The following PRKCQ variants were observed in gnomAD, a reference collection of about 807,000 sequenced individuals.
PRKCQ encodes the protein protein kinase C theta.
A neutral mutation model predicts 91.2 loss-of-function variants in PRKCQ; 41 were observed. The ratio of observed to expected loss-of-function variants is 0.45; its 90% CI spans 0.35 to 0.58. The LOEUF (loss-of-function observed/expected upper bound fraction) is 0.58. Ranked by LOEUF, PRKCQ falls within the 20% of genes least tolerant of loss-of-function variation. The pLI, the probability that PRKCQ is intolerant of heterozygous loss-of-function variation, is 0.00. For synonymous variants in PRKCQ, 307 were observed against 316.9 expected, an observed-to-expected ratio of 0.97 and a Z score of 0.33; for missense variants, 673 against 896.5, an observed-to-expected ratio of 0.75 and a Z score of 3.18.
At chr10:6,446,601 G>C (rs907813455) in intron 15 of PRKCQ, among the ~76,000 whole-genome samples, 11 of 151,948 alleles carry the variant, frequency 7.2e-5, no homozygotes, top group African/African-American at 2.7e-4. Flanking sequence ...CCTGACCTCA[G>C]GTGATCCGCC....
At chr10:6,395,054 G>T in the PRKCQ span, among the ~76,000 whole-genome samples, 3 of 129,968 alleles carry the variant, frequency 2.3e-5, no homozygotes, top group Admixed American at 7.7e-5. Flanking sequence ...GGAAGCTGGA[G>T]TCTTTTTTTT....
At chr10:6,531,926 TATC>T (rs1340394039) in intron 1 of PRKCQ, among the ~76,000 whole-genome samples, 2 of 152,136 alleles carry the variant, frequency 1.3e-5, no homozygotes, top group East Asian at 3.9e-4. Context: ...TGATCAAAGC[TATC>T]TACCTAATTA....
chr10:6,418,644 C>T, the PRKCQ span, among the ~76,000 whole-genome samples: 1 of 152,208 alleles, frequency 6.6e-6, no homozygotes, highest in African/African-American at 2.4e-5. Context: ...CAGAGGGAAG[C>T]CTGGCGACTG....
At chr10:6,534,793 G>GATAT (rs755054607) in intron 1 of PRKCQ, among the ~76,000 whole-genome samples, 1,381 of 91,522 alleles carry the variant, frequency 0.015, 20 homozygotes, top group African/African-American at 0.044. Flanking sequence ...TATATATATA[G>GATAT]ATATATATAT....
At chr10:6,424,502 A>G (rs1833072724), downstream of PRKCQ, among the ~76,000 whole-genome samples, 2 of 152,140 alleles carry the variant, frequency 1.3e-5, no homozygotes, top group Non-Finnish European at 2.9e-5. Context: ...GGACAGAGAA[A>G]GGAGAGAGGT....
chr10:6,451,974 G>A (rs377300786), intron 15 of PRKCQ, among the ~76,000 whole-genome samples: 11 of 152,130 alleles, frequency 7.2e-5, no homozygotes, highest in African/African-American at 1.7e-4. Context: ...AATATCATAC[G>A]GAATGGGCAA....
intron 12 of PRKCQ, among the ~76,000 whole-genome samples, chr10:6,464,817 T>C (rs190510364): frequency 2.0e-5 from 3 of 152,304 alleles, no homozygotes; most frequent in Admixed American, 1.3e-4. Flanking sequence ...GATTAGATCA[T>C]TTCAGGGGAA....
At chr10:6,564,751 G>C (rs1332477123) in intron 1 of PRKCQ, among the ~76,000 whole-genome samples, 2 of 152,064 alleles carry the variant, frequency 1.3e-5, no homozygotes, top group Non-Finnish European at 2.9e-5. Flanking sequence ...ACTAAGTTTG[G>C]GAGCAGTTTG....
Position 6,444,202 on chromosome 10 carries a change from C to G in PRKCQ, c.1648-2121G>C, listed in dbSNP as rs536925715. Among the ~76,000 whole-genome samples the G allele has an allele frequency of 4.6e-5, 7 of 152,266 alleles. No homozygotes were observed. The South Asian group carries it at 1.2e-3, about 27-fold the overall frequency. ...TCTCCTGCCTCAGCCTCCCGAGTAG[C>G]TGGGATTACAGGTGCATACCACCAT... On this transcript the variant is annotated intron_variant, in intron 15 of 17. Transcript: ENST00000263125.
chr10:6,518,785 T>A (rs954079432), intron 1 of PRKCQ, among the ~76,000 whole-genome samples: 2 of 151,810 alleles, frequency 1.3e-5, no homozygotes, highest in African/African-American at 4.8e-5. Context: ...GTCATTGCAC[T>A]CCAGCCTAGG....
intron 1 of PRKCQ, among the ~76,000 whole-genome samples, chr10:6,560,922 C>T (rs1479190767): frequency 6.6e-6 from 1 of 151,836 alleles, no homozygotes; most frequent in East Asian, 1.9e-4. Flanking sequence ...ACCTGTAGAC[C>T]CAGCTACTCA....
intron 1 of PRKCQ, among the ~76,000 whole-genome samples, chr10:6,536,319 CACCTTGGCAGTG>C (rs1217552613): frequency 1.3e-5 from 2 of 152,162 alleles, no homozygotes; most frequent in African/African-American, 4.8e-5. Flanking sequence ...GGTGTCAAAT[CACCTTGGCAGTG>C]ACCTTGGCGA....
intron 4 of PRKCQ, 111 bp downstream of exon 4, chr10:6,507,325 C>T: frequency 9.0e-7 from 1 of 1,106,466 alleles, no homozygotes; most frequent in Non-Finnish European, 1.4e-6. Context: ...TTTTGTGCCT[C>T]TCTTTTCTCC....
At chr10:6,458,213 C>T (rs1057214061) in intron 14 of PRKCQ, among the ~76,000 whole-genome samples, 3 of 152,200 alleles carry the variant, frequency 2.0e-5, no homozygotes, top group South Asian at 2.1e-4. Flanking sequence ...GGATTATAGG[C>T]GTGAGCCACT....
chr10:6,410,302 T>C, the PRKCQ span, among the ~76,000 whole-genome samples: 2 of 152,248 alleles, frequency 1.3e-5, no homozygotes. Context: ...CAAGTGTTAC[T>C]TACTTGACAA....
At chr10:6,535,741 C>T (rs996204073) in intron 1 of PRKCQ, among the ~76,000 whole-genome samples, 3 of 152,118 alleles carry the variant, frequency 2.0e-5, no homozygotes, top group East Asian at 1.9e-4. Flanking sequence ...CCCCTCGCCG[C>T]GCCTCTTTAG....
In PRKCQ at chr10:6,455,219, G is replaced by A. The variant is rs7923721; in HGVS notation, c.1647+1455C>T. ...CCGTCCTCTTAAGTCCCCATCACTC[G>A]TGCTTTGATGAGCTTTGGTTTCACT... On this transcript the variant is annotated intron_variant, in intron 15 of 17. Transcript: ENST00000263125. Among the ~76,000 whole-genome samples, 1,038 of 152,302 alleles carry A rather than the reference G, an allele frequency of 6.8e-3. 15 individuals are homozygous for A. Among genetic ancestry groups the A allele is most frequent in the African/African-American group, 0.024 (998 of 41,566 alleles).
At chr10:6,483,972 A>G (rs1836763453) in intron 10 of PRKCQ, among the ~76,000 whole-genome samples, 1 of 152,236 alleles carries the variant, frequency 6.6e-6, no homozygotes, top group Non-Finnish European at 1.5e-5. Flanking sequence ...AAATTTTAGG[A>G]AAAAAATGAT....
At chr10:6,561,842 G>GT (rs1840644574) in intron 1 of PRKCQ, among the ~76,000 whole-genome samples, 1 of 152,116 alleles carries the variant, frequency 6.6e-6, no homozygotes, top group South Asian at 2.1e-4. Context: ...AGAACTTGCT[G>GT]TTTTTAATGT....
Sources: allele counts gnomAD v4.1 joint callset (sites outside exome capture counted in the v4.1 genomes callset), GRCh38; gene constraint gnomAD v4.1.1; transcripts MANE v1.5; gene names NCBI Gene and HGNC (gene_info 2026-07-23, HGNC 2026-07-21).